ANKS1A: variants seen among roughly 807,000 people sequenced by gnomAD.
ANKS1A encodes ankyrin repeat and SAM domain-containing protein 1A.
Under a neutral mutation model 120.3 loss-of-function variants are expected in ANKS1A, and 55 were observed. The ratio of observed to expected loss-of-function variants is 0.46; its 90% CI spans 0.37 to 0.57. The LOEUF (loss-of-function observed/expected upper bound fraction) is 0.57. Ranked by LOEUF, ANKS1A falls within the 20% of genes least tolerant of loss-of-function variation. The probability of loss-of-function intolerance (pLI) is 0.00; values close to 1 mark genes in which losing one functional copy is unlikely to be tolerated. For missense variants in ANKS1A, 1,123 were observed against 1,480.3 expected, an observed-to-expected ratio of 0.76 and a Z score of 3.96; for synonymous variants, 590 against 604.7, an observed-to-expected ratio of 0.98 and a Z score of 0.36.
intron 13 of ANKS1A, among the ~76,000 whole-genome samples, chr6:35,061,434 G>A (rs1388153999): frequency 6.6e-6 from 1 of 152,192 alleles, no homozygotes; most frequent in African/African-American, 2.4e-5. Context: ...TGAGGGCTGG[G>A]GTCAGAGTCA....
intron 1 of ANKS1A, among the ~76,000 whole-genome samples, chr6:34,958,098 T>A (rs978803938): frequency 3.3e-5 from 5 of 152,318 alleles, no homozygotes; most frequent in Admixed American, 6.5e-5. Context: ...CAGACCCTCA[T>A]ATCGACCTAC....
At chr6:34,989,892 G>A (rs1217953409) in intron 9 of ANKS1A, among the ~76,000 whole-genome samples, 1 of 152,180 alleles carries the variant, frequency 6.6e-6, no homozygotes, top group Non-Finnish European at 1.5e-5. Flanking sequence ...ATGTCATCAT[G>A]AGGCAAATAA....
At chr6:34,891,912 C>T (rs1294807156) in intron 1 of ANKS1A, among the ~76,000 whole-genome samples, 2 of 152,256 alleles carry the variant, frequency 1.3e-5, no homozygotes, top group East Asian at 3.8e-4. Context: ...CAGGCGTGAG[C>T]CACCTTGCCC....
chr6:35,043,806 A>AACC (rs1456311215), intron 11 of ANKS1A, among the ~76,000 whole-genome samples: 1 of 152,190 alleles, frequency 6.6e-6, no homozygotes, highest in Non-Finnish European at 1.5e-5. Context: ...TTATTACATG[A>AACC]ACCACATCTA....
chr6:34,998,367 AAGAG>A lies in ANKS1A; in HGVS notation c.1423+3951_1423+3954del, dbSNP rs1315497798. Among the ~76,000 whole-genome samples, 7 of 152,078 alleles carry A rather than the reference AAGAG, an allele frequency of 4.6e-5. No individual in the cohort carries two copies. The East Asian group carries it at 1.3e-3, about 29-fold the overall frequency. Reference sequence around the variant, plus strand: ...CTACAATGTGTGAGGGTGGTGAGGGAAGAGAGAGACCCTCTCATATTGTTTTATA... The same window carrying A: ...CTACAATGTGTGAGGGTGGTGAGGGAAGAGACCCTCTCATATTGTTTTATA... On this transcript the variant is annotated intron_variant, in intron 10 of 23. Transcript: ENST00000360359.
At chr6:34,927,420 A>G (rs1237925012) in intron 1 of ANKS1A, among the ~76,000 whole-genome samples, 1 of 152,070 alleles carries the variant, frequency 6.6e-6, no homozygotes, top group Non-Finnish European at 1.5e-5. Flanking sequence ...GGTGAGGGAT[A>G]TTGATAAATG....
At chr6:35,049,635 AAGGGTGTT>A in intron 11 of ANKS1A, among the ~76,000 whole-genome samples, 1 of 152,314 alleles carries the variant, frequency 6.6e-6, no homozygotes, top group African/African-American at 2.4e-5. Flanking sequence ...AGGCAGCAGA[AAGGGTGTT>A]AGGAGGGAAT....
chr6:35,091,934 G>A (rs1044957025), downstream of ANKS1A, among the ~76,000 whole-genome samples: 1 of 152,222 alleles, frequency 6.6e-6, no homozygotes, highest in Non-Finnish European at 1.5e-5. Flanking sequence ...AGAGGAAGGG[G>A]CAGGGTGCTG....
At chr6:34,893,022 A>G (rs183580544) in intron 1 of ANKS1A, among the ~76,000 whole-genome samples, 2 of 152,260 alleles carry the variant, frequency 1.3e-5, no homozygotes, top group Admixed American at 1.3e-4. Flanking sequence ...CATTAAGACC[A>G]CTTGTTTTTG....
intron 13 of ANKS1A, among the ~76,000 whole-genome samples, chr6:35,063,689 G>A (rs1379546604): frequency 2.6e-5 from 4 of 152,236 alleles, no homozygotes; most frequent in Non-Finnish European, 4.4e-5. Context: ...CCTCTTTGGA[G>A]TGTAATCGTT....
chr6:35,084,129 T>C lies in ANKS1A; in HGVS notation c.3003T>C (p.Ile1001=), dbSNP rs1054208813. Residue 1001 remains isoleucine, a synonymous_variant, in exon 21 of 24, where the codon ATT becomes ATC. Coordinates refer to ENST00000360359, the MANE Select transcript of ANKS1A (RefSeq NM_015245.3). This position sits in a 1 kb window ranked among gnomAD's most constrained non-coding sequence, Gnocchi z 4.8. ...KFIDASNKNV[I]AEHEIRNISC... The stretch of plus-strand genomic sequence containing the variant: ...ACGGCTTTCCCCAGCAGAACGTCAT[T>C]GCAGAGCACGAGATCCGGAACATTT... The C allele has an allele frequency of 1.9e-6, 3 of 1,614,126 alleles. No homozygotes were observed. The highest frequency in any genetic ancestry group is 2.2e-5 in the East Asian group (1 of 44,878).
intron 1 of ANKS1A, among the ~76,000 whole-genome samples, chr6:34,964,070 G>A (rs1177941263): frequency 6.6e-6 from 1 of 152,042 alleles, no homozygotes; most frequent in African/African-American, 2.4e-5. Flanking sequence ...TCCATAAGTG[G>A]TCTTTTTACT....
chr6:34,948,913 T>C (rs1266325358), intron 1 of ANKS1A, among the ~76,000 whole-genome samples: 2 of 152,134 alleles, frequency 1.3e-5, no homozygotes, highest in African/African-American at 4.8e-5. Context: ...AGAGGATTCA[T>C]CCCGGGCATG....
chr6:35,071,989 G>T (rs1457623043), intron 13 of ANKS1A, among the ~76,000 whole-genome samples: 3 of 152,350 alleles, frequency 2.0e-5, no homozygotes, highest in South Asian at 4.1e-4. Flanking sequence ...GGCTAAAAGG[G>T]TCTACACCAG....
chr6:34,910,766 C>T (rs1767870803), intron 1 of ANKS1A, among the ~76,000 whole-genome samples: 1 of 149,470 alleles, frequency 6.7e-6, no homozygotes, highest in South Asian at 2.1e-4. Context: ...GTGGCTGAAA[C>T]AGGAGAATCA....
Position 35,058,123 on chromosome 6 carries a change from G to C in ANKS1A, c.2078-2024G>C, listed in dbSNP as rs972107370. ...TTGCTTCTGCTCCGATGTGATGTCC[G>C]ATCCCTGATGTATTTTCCTGAGCTT... is the stretch of plus-strand genomic sequence containing the variant. On this transcript the variant is annotated intron_variant, in intron 12 of 23. Transcript: ENST00000360359. The surrounding 1 kb of genome is among the most constrained non-coding windows in gnomAD (Gnocchi z 5.1). 6.6e-6 allele frequency: 1 copy of C among 152,476 alleles called. No individual in the cohort carries two copies. The highest frequency in any genetic ancestry group is 6.5e-5 in the Admixed American group (1 of 15,288). The allele number at this position is 152,476 out of a possible 1,614,324, so 9.4% of individuals were successfully genotyped here.
chr6:34,950,519 G>A (rs2127492528), intron 1 of ANKS1A, among the ~76,000 whole-genome samples: 1 of 152,126 alleles, frequency 6.6e-6, no homozygotes, highest in African/African-American at 2.4e-5. Flanking sequence ...GTGAGCCACC[G>A]CGCCCGGCCA....
chr6:34,943,908 A>G (rs540875432), intron 1 of ANKS1A, among the ~76,000 whole-genome samples: 1 of 152,374 alleles, frequency 6.6e-6, no homozygotes, highest in South Asian at 2.1e-4. Flanking sequence ...GTAAATACCC[A>G]GGAGCATGAT....
rs145303530 is a variant in ANKS1A at position 35,087,141 on chromosome 6, T to A, written c.3401+92T>A. Reference sequence around the variant, plus strand: ...ATCCGATCTTTCTGCTGTCCTCAACTCTCTCCTTCCAGCTGCTGATGCCAA... The same window carrying A: ...ATCCGATCTTTCTGCTGTCCTCAACACTCTCCTTCCAGCTGCTGATGCCAA... On this transcript the variant is annotated intron_variant, in intron 23 of 23. Transcript: ENST00000360359. 94 of 1,312,256 alleles carry A rather than the reference T, an allele frequency of 7.2e-5. No individual in the cohort carries two copies. In the East Asian group the frequency reaches 2.0e-3, roughly 29 times the overall value. The allele number at this position is 1,312,256 out of a possible 1,614,324, so 81.3% of individuals were successfully genotyped here. A position where few individuals can be genotyped will look rare whatever the true frequency, so the allele number is the denominator to read the frequency against.
Sources: gnomAD v4.1 joint callset for allele counts (sites outside exome capture counted in the v4.1 genomes callset) on GRCh38, gnomAD v4.1.1 for gene constraint, Gnocchi (gnomAD v3.1) non-coding constraint, MANE v1.5 for transcripts, NCBI Gene and HGNC (gene_info 2026-07-23, HGNC 2026-07-21) for gene names.